SAMD5: variants seen among roughly 807,000 people sequenced by gnomAD.
The protein encoded by SAMD5 is sterile alpha motif domain containing 5.
In SAMD5, 13 loss-of-function variants were observed where a neutral mutation model predicts 11.3. The observed-to-expected ratio is 1.15, with a 90% confidence interval of 0.75 to 1.83. SAMD5 has a LOEUF of 1.83. Among genes scored for constraint, SAMD5 ranks in the 40% most tolerant of loss-of-function variants. The probability of loss-of-function intolerance (pLI) is 0.00; values close to 1 mark genes in which losing one functional copy is unlikely to be tolerated. For synonymous variants in SAMD5, 129 were observed against 111.3 expected, an observed-to-expected ratio of 1.16 and a Z score of -1.00; for missense variants, 255 against 239.1, an observed-to-expected ratio of 1.07 and a Z score of -0.44.
intron 1 of SAMD5, among the ~76,000 whole-genome samples, chr6:147,600,451 A>G (rs1789598407): frequency 6.6e-6 from 1 of 152,220 alleles, no homozygotes; most frequent in Non-Finnish European, 1.5e-5. Flanking sequence ...GTAAAGAAAC[A>G]ACACTGAGCA....
At chr6:147,834,751 C>G in the SAMD5 span, among the ~76,000 whole-genome samples, 1 of 152,204 alleles carries the variant, frequency 6.6e-6, no homozygotes, top group African/African-American at 2.4e-5. Context: ...TATTTGAACA[C>G]TTGCACTATC....
chr6:147,509,468 C>A, intron 1 of SAMD5, 81 bp downstream of exon 1: 1 of 1,316,006 alleles, frequency 7.6e-7, no homozygotes, highest in Non-Finnish European at 1.0e-6. Context: ...GGCTTTGCAA[C>A]CCATTCCAGG....
intron 1 of SAMD5, among the ~76,000 whole-genome samples, chr6:147,721,279 C>A (rs1466926741): frequency 6.6e-6 from 1 of 150,390 alleles, no homozygotes; most frequent in Non-Finnish European, 1.5e-5. Flanking sequence ...GCCACACTGA[C>A]TTCCACAATG....
intron 1 of SAMD5, among the ~76,000 whole-genome samples, chr6:147,525,890 G>A (rs1788330258): frequency 6.6e-6 from 1 of 152,168 alleles, no homozygotes; most frequent in African/African-American, 2.4e-5. Context: ...TGGAAAGCTA[G>A]ATGGTTTCAT....
chr6:147,561,688 C>T (rs531911043), intron 1 of SAMD5, among the ~76,000 whole-genome samples: 3 of 152,108 alleles, frequency 2.0e-5, no homozygotes, highest in Admixed American at 2.0e-4. Context: ...ATGTGTGATA[C>T]GTATGGGGAC....
chr6:147,585,631 T>C (rs1325118810), intron 1 of SAMD5, among the ~76,000 whole-genome samples: 1 of 152,154 alleles, frequency 6.6e-6, no homozygotes, highest in Non-Finnish European at 1.5e-5. Context: ...AAGTGTTCCA[T>C]AGAGTAGCAA....
At chr6:147,898,800 T>C in the SAMD5 span, among the ~76,000 whole-genome samples, 6 of 152,090 alleles carry the variant, frequency 3.9e-5, no homozygotes, top group Admixed American at 3.3e-4. Context: ...TACACACATA[T>C]ATAGTCATGA....
the SAMD5 span, among the ~76,000 whole-genome samples, chr6:147,833,086 A>G: frequency 6.6e-6 from 1 of 152,232 alleles, no homozygotes; most frequent in South Asian, 2.1e-4. Flanking sequence ...CCTGGGAACC[A>G]CTGGTTGACA....
chr6:147,780,551 T>G, the SAMD5 span, among the ~76,000 whole-genome samples: 1 of 152,194 alleles, frequency 6.6e-6, no homozygotes, highest in East Asian at 1.9e-4. Context: ...TTAAAACTCC[T>G]TAAAGAAATA....
chr6:147,702,453 T>A (rs2128457895), intron 1 of SAMD5, among the ~76,000 whole-genome samples: 1 of 152,260 alleles, frequency 6.6e-6, no homozygotes, highest in South Asian at 2.1e-4. Flanking sequence ...GTGACATATG[T>A]TTGAACTGAT....
At chr6:147,925,682 C>CTTTTT in the SAMD5 span, among the ~76,000 whole-genome samples, 3 of 115,278 alleles carry the variant, frequency 2.6e-5, no homozygotes, top group African/African-American at 6.4e-5. Context: ...ACTGAGAATT[C>CTTTTT]TTTTTTTTTT....
chr6:147,949,074 C>A, the SAMD5 span, among the ~76,000 whole-genome samples: 17,705 of 152,212 alleles, frequency 0.12, 1,207 homozygotes, highest in African/African-American at 0.18. Flanking sequence ...GACCCACAGA[C>A]GTGTGAACCA....
chr6:147,928,459 T>A, the SAMD5 span, among the ~76,000 whole-genome samples: 5 of 152,172 alleles, frequency 3.3e-5, no homozygotes, highest in Non-Finnish European at 5.9e-5. Flanking sequence ...CACATACAGG[T>A]GTTTGTAATA....
At chr6:147,614,240 G>A (rs1789831620) in intron 1 of SAMD5, among the ~76,000 whole-genome samples, 1 of 151,844 alleles carries the variant, frequency 6.6e-6, no homozygotes, top group Non-Finnish European at 1.5e-5. Context: ...GGCAGAGGCG[G>A]GCAGATCACC....
intron 1 of SAMD5, among the ~76,000 whole-genome samples, chr6:147,586,229 A>G (rs1400862630): frequency 2.6e-5 from 4 of 152,202 alleles, no homozygotes; most frequent in African/African-American, 9.6e-5. Context: ...CTTGCTGGCA[A>G]AATGTCTTCA....
At chr6:147,871,389 G>GC in the SAMD5 span, among the ~76,000 whole-genome samples, 1 of 152,076 alleles carries the variant, frequency 6.6e-6, no homozygotes. Context: ...TACCTCTCTA[G>GC]CTTTGATGTT....
chr6:147,604,327 T>C (rs1378471515), intron 1 of SAMD5, among the ~76,000 whole-genome samples: 2 of 152,136 alleles, frequency 1.3e-5, no homozygotes, highest in Non-Finnish European at 2.9e-5. Context: ...TATAAAGACC[T>C]GACAGTTTTT....
chr6:147,556,809 A>G (rs1005135783), intron 1 of SAMD5, among the ~76,000 whole-genome samples: 1 of 152,230 alleles, frequency 6.6e-6, no homozygotes, highest in Non-Finnish European at 1.5e-5. Flanking sequence ...TTCAATTTTA[A>G]TTTATCAGAA....
chr6:147,622,229 C>T (rs749089245), intron 1 of SAMD5, among the ~76,000 whole-genome samples: 4 of 152,050 alleles, frequency 2.6e-5, no homozygotes, highest in African/African-American at 4.8e-5. Flanking sequence ...ACAATGGCAT[C>T]GTATTTCCAT....
Sources: allele counts gnomAD v4.1 joint callset (sites outside exome capture counted in the v4.1 genomes callset), GRCh38; gene constraint gnomAD v4.1.1; transcripts MANE v1.5; gene names NCBI Gene and HGNC (gene_info 2026-07-23, HGNC 2026-07-21).